PDZRN3: variants seen among roughly 807,000 people sequenced by gnomAD.
PDZRN3 encodes the protein PDZ domain containing ring finger 3, also known as E3 ubiquitin-protein ligase PDZRN3.
PDZRN3 carries 38 observed loss-of-function variants against 85.7 expected under a neutral mutation model. That is an observed-to-expected ratio of 0.44 (90% CI 0.34 to 0.58). PDZRN3 has a LOEUF of 0.58. Ranked by LOEUF, PDZRN3 falls within the 20% of genes least tolerant of loss-of-function variation. The pLI is 0.01. For synonymous variants in PDZRN3, 759 were observed against 638.0 expected (o/e 1.19, Z -2.86); for missense variants, 1,629 against 1,506.4 (o/e 1.08, Z -1.35).
At chr3:73,541,037 A>T (rs1040086927) in intron 3 of PDZRN3, among the ~76,000 whole-genome samples, 6 of 152,210 alleles carry the variant, frequency 3.9e-5, no homozygotes, top group African/African-American at 1.2e-4. Flanking sequence ...TTAAGAAGCA[A>T]AGGGGTCCTG....
At chr3:73,541,770 C>T (rs1412656083) in intron 3 of PDZRN3, among the ~76,000 whole-genome samples, 3 of 152,172 alleles carry the variant, frequency 2.0e-5, no homozygotes, top group Non-Finnish European at 2.9e-5. Context: ...CAATTTCAAG[C>T]ATCTAGTATT....
At chr3:73,580,387 A>G (rs1157903992) in intron 3 of PDZRN3, among the ~76,000 whole-genome samples, 1 of 152,228 alleles carries the variant, frequency 6.6e-6, no homozygotes, top group Non-Finnish European at 1.5e-5. Context: ...GAGATAACGC[A>G]GGCCTCTTGT....
intron 3 of PDZRN3, among the ~76,000 whole-genome samples, chr3:73,467,240 G>A (rs1703238626): frequency 6.6e-6 from 1 of 152,126 alleles, no homozygotes; most frequent in Admixed American, 6.6e-5. Flanking sequence ...ATTTTCATGG[G>A]GAATTAAACT....
chr3:73,505,434 T>C (rs1321248619), intron 3 of PDZRN3, among the ~76,000 whole-genome samples: 2 of 152,126 alleles, frequency 1.3e-5, no homozygotes, highest in Non-Finnish European at 2.9e-5. Context: ...GTAGAAATAA[T>C]AATGCAAAAA....
At chr3:73,602,267 C>A (rs1702526096) in intron 3 of PDZRN3, 87 bp downstream of exon 3, 6 of 750,492 alleles carry the variant, frequency 8.0e-6, no homozygotes, top group Admixed American at 6.1e-5. Context: ...TTTAGGCCTC[C>A]CTCCCCAGTC....
chr3:73,499,111 T>C (rs1008817229), intron 3 of PDZRN3, among the ~76,000 whole-genome samples: 13 of 152,158 alleles, frequency 8.5e-5, no homozygotes, highest in Admixed American at 7.2e-4. Context: ...CTGGTTCTTA[T>C]GCTCCGTAAT....
Position 73,384,667 on chromosome 3 carries a change from G to C in PDZRN3, c.1899C>G (p.Ala633=), listed in dbSNP as rs749752976. Residue 633 remains alanine, a synonymous_variant, in exon 10 of 10, where the codon GCC becomes GCG. Coordinates refer to ENST00000263666, the MANE Select transcript of PDZRN3 (RefSeq NM_015009.3). ...ESFISADCTD[A]DYLGIPVDEC... is the part of the protein sequence containing the mutation. ...CGTCCACCGGGATCCCCAGGTAGTC[G>C]GCGTCCGTGCAGTCGGCCGAAATGA... 1 of 1,613,978 alleles carries C rather than the reference G, an allele frequency of 6.2e-7. No individual in the cohort carries two copies. The highest frequency in any genetic ancestry group is 1.3e-5 in the African/African-American group (1 of 75,052).
Position 73,621,431 on chromosome 3 carries a change from T to C in PDZRN3, c.723+2672A>G, listed in dbSNP as rs61525023. ...AAAAAGAAAATAAAAATGTTGCACA[T>C]GAGAGTTTCCAGGACATATAAATCC... On this transcript the variant is annotated intron_variant, in intron 1 of 9. Coordinates refer to ENST00000263666, the MANE Select transcript of PDZRN3 (RefSeq NM_015009.3). 2.1e-3 allele frequency among the ~76,000 whole-genome samples: 326 copies of C among 152,286 alleles called. 1 individual carries two copies. Among genetic ancestry groups the C allele is most frequent in the African/African-American group, 7.1e-3 (294 of 41,546 alleles).
At chr3:73,471,454 T>C (rs890229730) in intron 3 of PDZRN3, among the ~76,000 whole-genome samples, 4 of 152,242 alleles carry the variant, frequency 2.6e-5, no homozygotes, top group Admixed American at 6.5e-5. Flanking sequence ...ATATAGTATC[T>C]ATGTAATAAA....
At chr3:73,588,738 C>A (rs577447794) in intron 3 of PDZRN3, among the ~76,000 whole-genome samples, 1 of 152,224 alleles carries the variant, frequency 6.6e-6, no homozygotes, top group Non-Finnish European at 1.5e-5. Context: ...AGTCATGACA[C>A]ACAGTTTCTT....
chr3:73,446,795 C>T lies in PDZRN3; in HGVS notation c.919-42400G>A, dbSNP rs1702756396. 2.0e-5 allele frequency among the ~76,000 whole-genome samples: 3 copies of T among 152,000 alleles called. No homozygotes were observed. The South Asian group carries it at 6.2e-4, about 32-fold the overall frequency. The stretch of plus-strand genomic sequence containing the variant: ...TGGCGAATTGAGGACCTTTTCTTCT[C>T]AGTTCCTTCTTTAAAATACTGAATC... On this transcript the variant is annotated intron_variant, in intron 3 of 9. Coordinates refer to ENST00000263666, the MANE Select transcript of PDZRN3 (RefSeq NM_015009.3).
At chr3:73,481,355 C>A (rs1441521606) in intron 3 of PDZRN3, among the ~76,000 whole-genome samples, 1 of 150,382 alleles carries the variant, frequency 6.6e-6, no homozygotes, top group South Asian at 2.1e-4. Flanking sequence ...TTCTTTTTTT[C>A]TTTTTGAGAT....
intron 3 of PDZRN3, among the ~76,000 whole-genome samples, chr3:73,576,101 T>C (rs1015772000): frequency 6.8e-6 from 1 of 147,558 alleles, no homozygotes; most frequent in African/African-American, 2.6e-5. Flanking sequence ...CACACATGCA[T>C]GCATACTCTC....
chr3:73,451,138 T>C (rs1181220738), intron 3 of PDZRN3, among the ~76,000 whole-genome samples: 2 of 152,164 alleles, frequency 1.3e-5, no homozygotes, highest in South Asian at 4.1e-4. Flanking sequence ...CATCCTATGC[T>C]GTGTTCCTCG....
At chr3:73,459,032 G>C (rs1271879746) in intron 3 of PDZRN3, among the ~76,000 whole-genome samples, 9 of 151,592 alleles carry the variant, frequency 5.9e-5, no homozygotes, top group African/African-American at 2.2e-4. Flanking sequence ...AAAGAAAAGA[G>C]GTTTAATTGA....
chr3:73,581,568 G>A (rs1380358093), intron 3 of PDZRN3, among the ~76,000 whole-genome samples: 1 of 152,120 alleles, frequency 6.6e-6, no homozygotes, highest in Admixed American at 6.5e-5. Context: ...AATGGGTAGA[G>A]GGACATTATT....
chr3:73,452,839 C>CTCTGTGTGTGTGTGTGTG (rs1553690746), intron 3 of PDZRN3, among the ~76,000 whole-genome samples: 5 of 140,618 alleles, frequency 3.6e-5, no homozygotes, highest in South Asian at 4.7e-4. Context: ...GTCCATATAT[C>CTCTGTGTGTGTGTGTGTG]TGTGTGTGTG....
chr3:73,421,362 C>G (rs1358945545), intron 3 of PDZRN3, among the ~76,000 whole-genome samples: 1 of 152,308 alleles, frequency 6.6e-6, no homozygotes, highest in Middle Eastern at 3.4e-3. Flanking sequence ...GAACCCAAGC[C>G]TTCCCCTTTT....
intron 3 of PDZRN3, among the ~76,000 whole-genome samples, chr3:73,595,589 T>G (rs1362148939): frequency 6.6e-6 from 1 of 152,164 alleles, no homozygotes; most frequent in Non-Finnish European, 1.5e-5. Flanking sequence ...TTACAGCATA[T>G]TTTTTCTCCA....
Sources: gnomAD v4.1 joint callset for allele counts (sites outside exome capture counted in the v4.1 genomes callset) on GRCh38, gnomAD v4.1.1 for gene constraint, MANE v1.5 for transcripts, NCBI Gene and HGNC (gene_info 2026-07-23, HGNC 2026-07-21) for gene names.